Variants in POU6F2 observed in about 807,000 individuals in gnomAD.
POU6F2 encodes the protein POU class 6 homeobox 2.
POU6F2 carries 31 observed loss-of-function variants against 71.3 expected under a neutral mutation model. The observed-to-expected ratio is 0.43, with a 90% confidence interval of 0.33 to 0.59. The LOEUF (loss-of-function observed/expected upper bound fraction) is 0.59, where lower values mean the gene tolerates loss of function less well. POU6F2 is among the 20% of genes least tolerant of loss of function. POU6F2 has a pLI of 0.04. For synonymous variants in POU6F2, 347 were observed against 355.7 expected, an observed-to-expected ratio of 0.98 and a Z score of 0.27; for missense variants, 783 against 856.8, an observed-to-expected ratio of 0.91 and a Z score of 1.07.
chr7:39,220,570 G>A (rs1794329938), intron 4 of POU6F2, among the ~76,000 whole-genome samples: 1 of 152,164 alleles, frequency 6.6e-6, no homozygotes, highest in Non-Finnish European at 1.5e-5. Context: ...ATGGTCAGGA[G>A]AGGATCAGTT....
intron 6 of POU6F2, among the ~76,000 whole-genome samples, chr7:39,411,269 G>A (rs1223438620): frequency 3.3e-5 from 5 of 152,218 alleles, no homozygotes; most frequent in Non-Finnish European, 5.9e-5. Context: ...GTATGTTCAA[G>A]ATTTGGCAAG....
chr7:39,226,438 A>G (rs1236042949), intron 4 of POU6F2, among the ~76,000 whole-genome samples: 1 of 152,198 alleles, frequency 6.6e-6, no homozygotes, highest in Non-Finnish European at 1.5e-5. Context: ...ACTTGAGGTT[A>G]TTAGAAGAAC....
chr7:39,117,266 T>C (rs1791949993), intron 2 of POU6F2, among the ~76,000 whole-genome samples: 1 of 152,178 alleles, frequency 6.6e-6, no homozygotes, highest in Non-Finnish European at 1.5e-5. Flanking sequence ...TAAACAACCA[T>C]GCCTCACAAG....
chr7:39,402,381 T>A (rs574991050), intron 5 of POU6F2, among the ~76,000 whole-genome samples: 1 of 152,168 alleles, frequency 6.6e-6, no homozygotes, highest in East Asian at 1.9e-4. Context: ...GACATAGAAA[T>A]AAATCACTGT....
At chr7:39,410,583 T>C (rs1787531974) in intron 6 of POU6F2, among the ~76,000 whole-genome samples, 2 of 152,176 alleles carry the variant, frequency 1.3e-5, no homozygotes, top group African/African-American at 4.8e-5. Context: ...GGCCCATAAC[T>C]GGCTCTGTGA....
At chr7:39,003,230 T>C (rs1353012045) in intron 1 of POU6F2, among the ~76,000 whole-genome samples, 2 of 152,200 alleles carry the variant, frequency 1.3e-5, no homozygotes, top group African/African-American at 4.8e-5. Context: ...TAGGATATTT[T>C]GAAAACATTT....
chr7:39,395,495 A>G (rs1787157176), intron 5 of POU6F2, among the ~76,000 whole-genome samples: 1 of 151,818 alleles, frequency 6.6e-6, no homozygotes, highest in Non-Finnish European at 1.5e-5. Flanking sequence ...CCTTGTCTGG[A>G]CTCCCTCTGC....
At chr7:39,276,880 C>A (rs866128640) in intron 4 of POU6F2, among the ~76,000 whole-genome samples, 2 of 141,364 alleles carry the variant, frequency 1.4e-5, no homozygotes, top group Non-Finnish European at 3.0e-5. Context: ...GGAAGGGGAA[C>A]ATCACACTCT....
chr7:39,204,467 T>C (rs564204170), intron 3 of POU6F2, 141 bp downstream of exon 3: 203 of 613,530 alleles, frequency 3.3e-4, no homozygotes, highest in African/African-American at 3.1e-3. Flanking sequence ...TGAAAAGCTG[T>C]ATGACTACAT....
intron 5 of POU6F2, among the ~76,000 whole-genome samples, chr7:39,401,455 C>T (rs1787302171): frequency 6.6e-6 from 1 of 152,152 alleles, no homozygotes; most frequent in Non-Finnish European, 1.5e-5. Context: ...GGATAAAACA[C>T]ACATCAACCA....
intron 4 of POU6F2, among the ~76,000 whole-genome samples, chr7:39,212,887 T>A (rs954841220): frequency 6.6e-6 from 1 of 152,194 alleles, no homozygotes; most frequent in African/African-American, 2.4e-5. Flanking sequence ...ATGTGTTGGA[T>A]CCTTTGCTTT....
chr7:39,436,293 T>G (rs1257093508), intron 7 of POU6F2, among the ~76,000 whole-genome samples: 1 of 152,166 alleles, frequency 6.6e-6, no homozygotes, highest in Non-Finnish European at 1.5e-5. Flanking sequence ...TCCTCTCTTA[T>G]TTCATTGAGC....
At chr7:39,012,749 G>C (rs1011418110) in intron 1 of POU6F2, among the ~76,000 whole-genome samples, 12 of 150,960 alleles carry the variant, frequency 7.9e-5, no homozygotes, top group East Asian at 7.8e-4. Flanking sequence ...TAACAGACAG[G>C]ACCCTCAGCT....
At chr7:39,414,659 G>T (rs1170523625) in intron 6 of POU6F2, among the ~76,000 whole-genome samples, 2 of 152,210 alleles carry the variant, frequency 1.3e-5, no homozygotes, top group Admixed American at 1.3e-4. Flanking sequence ...GCGTCCTTAA[G>T]ACTGCGGGTG....
intron 2 of POU6F2, among the ~76,000 whole-genome samples, chr7:39,151,873 C>A (rs570884654): frequency 1.5e-3 from 229 of 152,144 alleles, no homozygotes; most frequent in African/African-American, 5.2e-3. Flanking sequence ...GGAAGGGGAC[C>A]GCTGGTAACC....
At chr7:39,185,845 G>GTA (rs751789195) in intron 2 of POU6F2, among the ~76,000 whole-genome samples, 1 of 66,572 alleles carries the variant, frequency 1.5e-5, no homozygotes, top group African/African-American at 6.9e-5. Context: ...ATATGTATAT[G>GTA]TATATGTATG....
intron 2 of POU6F2, among the ~76,000 whole-genome samples, chr7:39,163,409 G>A (rs915735335): frequency 1.3e-5 from 2 of 152,152 alleles, no homozygotes; most frequent in Admixed American, 6.6e-5. Flanking sequence ...TCTGTAGTGG[G>A]AAGTGTTCTG....
intron 2 of POU6F2, among the ~76,000 whole-genome samples, chr7:39,144,552 T>C (rs959277460): frequency 1.3e-5 from 2 of 152,216 alleles, no homozygotes; most frequent in Non-Finnish European, 2.9e-5. Flanking sequence ...ATTTGGAAAG[T>C]TGCTGTTTAA....
chr7:39,242,718 T>C (rs1431446885), intron 4 of POU6F2, among the ~76,000 whole-genome samples: 1 of 152,102 alleles, frequency 6.6e-6, no homozygotes, highest in African/African-American at 2.4e-5. Context: ...AAATAGACAC[T>C]GAACAGAGAA....
Sources: gnomAD v4.1 joint callset for allele counts (sites outside exome capture counted in the v4.1 genomes callset) on GRCh38, gnomAD v4.1.1 for gene constraint, MANE v1.5 for transcripts, NCBI Gene and HGNC (gene_info 2026-07-23, HGNC 2026-07-21) for gene names.